MTOR: variants seen among roughly 807,000 people sequenced by gnomAD.
MTOR encodes the protein serine/threonine-protein kinase mTOR.
In MTOR, 70 loss-of-function variants were observed where a neutral mutation model predicts 319.8. The ratio of observed to expected loss-of-function variants is 0.22; its 90% CI spans 0.18 to 0.27. MTOR has a LOEUF of 0.27. Ranked by LOEUF, MTOR falls within the 10% of genes least tolerant of loss-of-function variation. The probability of loss-of-function intolerance (pLI) is 1.00; values close to 1 mark genes in which losing one functional copy is unlikely to be tolerated. For synonymous variants in MTOR, 1,183 were observed against 1,211.4 expected (o/e 0.98, Z 0.49); for missense variants, 1,890 against 3,274.4 (o/e 0.58, Z 10.32).
At chr1:11,170,718 C>T (rs1261722269) in intron 28 of MTOR, among the ~76,000 whole-genome samples, 4 of 148,120 alleles carry the variant, frequency 2.7e-5, no homozygotes, top group Admixed American at 1.3e-4. Flanking sequence ...TGGAGTTTCA[C>T]TCTTGTTGCC....
intron 5 of MTOR, among the ~76,000 whole-genome samples, 172 bp from the exon 6 acceptor site, chr1:11,254,145 A>G (rs550805470): frequency 6.8e-6 from 1 of 146,626 alleles, no homozygotes; most frequent in African/African-American, 2.5e-5. Context: ...TTCAGCTTCA[A>G]TTTTTTTTTT....
intron 28 of MTOR, chr1:11,194,533 C>T: frequency 6.2e-7 from 1 of 1,614,124 alleles, no homozygotes; most frequent in Non-Finnish European, 8.5e-7. Context: ...CAGCTATCGC[C>T]TCTTCCTGGG....
At chr1:11,140,324 G>C (rs1221210219) in intron 34 of MTOR, among the ~76,000 whole-genome samples, 4 of 129,194 alleles carry the variant, frequency 3.1e-5, no homozygotes, top group Non-Finnish European at 4.9e-5. Context: ...GGGGGGCGGG[G>C]GGATGGTTTT....
intron 29 of MTOR, among the ~76,000 whole-genome samples, chr1:11,158,421 T>C (rs1003479159): frequency 3.3e-5 from 5 of 152,158 alleles, no homozygotes; most frequent in Non-Finnish European, 7.3e-5. Flanking sequence ...TGCTGGAGAT[T>C]GTTCCCTTGT....
At chr1:11,228,157 AC>A (rs1312181257) in intron 19 of MTOR, among the ~76,000 whole-genome samples, 1 of 151,880 alleles carries the variant, frequency 6.6e-6, no homozygotes, top group East Asian at 1.9e-4. Flanking sequence ...ACTGAGAATG[AC>A]AATGCTTTTC....
intron 34 of MTOR, chr1:11,144,136 G>A (rs1311172322): frequency 4.6e-5 from 7 of 153,608 alleles, no homozygotes; most frequent in African/African-American, 1.4e-4. Context: ...AGAACCTAAG[G>A]CAACCCCATC....
intron 36 of MTOR, among the ~76,000 whole-genome samples, chr1:11,137,990 C>T (rs940357473): frequency 2.0e-5 from 3 of 152,258 alleles, no homozygotes; most frequent in African/African-American, 7.2e-5. Context: ...TAGTTCTGGG[C>T]TTGAAGTCCC....
At position 11,231,036 on chromosome 1, in the gene MTOR, G is replaced by A. The variant is rs1646998030; in HGVS notation, c.2668C>T (p.Leu890Phe). 4 of 1,614,112 alleles carry A rather than the reference G, an allele frequency of 2.5e-6. No individual in the cohort carries two copies. The highest frequency in any genetic ancestry group is 3.4e-6 in the Non-Finnish European group (4 of 1,180,022). ...TTGTAAGGATCCAAAGCCCCTAAAA[G>A]CCCTAACACACGGATGGCCTGCGTG... ...TRREAIRVLGLLGALDPYKHK... is the reference protein window; with the variant it reads ...TRREAIRVLGFLGALDPYKHK... Residue 890 changes from leucine to phenylalanine, a missense_variant, in exon 18 of 58, where the codon CTT (leucine) becomes TTT (phenylalanine). By Grantham distance (22) the Leu-to-Phe change is conservative. This residue lies in a region of MTOR where 377 missense variants were observed against 653.9 expected (regional missense o/e 0.58). Coordinates refer to ENST00000361445, the MANE Select transcript of MTOR (RefSeq NM_004958.4).
chr1:11,203,688 C>A (rs1366721341), intron 26 of MTOR, among the ~76,000 whole-genome samples: 1 of 152,142 alleles, frequency 6.6e-6, no homozygotes, highest in Non-Finnish European at 1.5e-5. Flanking sequence ...AAAATAAATT[C>A]TGGCAAATTC....
intron 28 of MTOR, among the ~76,000 whole-genome samples, chr1:11,168,106 C>T (rs189756594): frequency 1.7e-3 from 262 of 151,762 alleles, no homozygotes; most frequent in African/African-American, 6.2e-3. Context: ...GGTTTCCTCT[C>T]AGACGCCGGC....
At chr1:11,139,723 GCT>G in intron 34 of MTOR, 65 bp from the exon 35 acceptor site, 1 of 1,596,146 alleles carries the variant, frequency 6.3e-7, no homozygotes, top group Non-Finnish European at 8.6e-7. Context: ...GCAGAGTCTT[GCT>G]CTGTCGCCCA....
intron 25 of MTOR, among the ~76,000 whole-genome samples, chr1:11,207,947 C>A (rs1354316566): frequency 1.3e-5 from 2 of 152,082 alleles, no homozygotes; most frequent in African/African-American, 2.4e-5. Context: ...TTTTCCAAGT[C>A]TGGGTAGAAA....
chr1:11,209,117 C>T (rs1646232645), intron 25 of MTOR, among the ~76,000 whole-genome samples, 195 bp downstream of exon 25: 1 of 152,206 alleles, frequency 6.6e-6, no homozygotes, highest in Non-Finnish European at 1.5e-5. Flanking sequence ...TTGTTCTCTA[C>T]TTTTTCTCTA....
At chr1:11,190,299 T>C (rs904959020) in intron 28 of MTOR, among the ~76,000 whole-genome samples, 6 of 152,306 alleles carry the variant, frequency 3.9e-5, no homozygotes, top group African/African-American at 9.6e-5. Flanking sequence ...ACAGGCTATA[T>C]CTCAAGAAAT....
chr1:11,199,125 A>G lies in MTOR; in HGVS notation c.4253+133T>C, dbSNP rs147497855. ...ATCTGCAACAACATGTCATTTAAACATGCTGGCCAGACCCAGAGGCAGATT... is the reference window on the plus strand; with the variant it reads ...ATCTGCAACAACATGTCATTTAAACGTGCTGGCCAGACCCAGAGGCAGATT... On this transcript the variant is annotated intron_variant, in intron 28 of 57. Coordinates refer to ENST00000361445, the MANE Select transcript of MTOR (RefSeq NM_004958.4). The surrounding 1 kb of genome is among the most constrained non-coding windows in gnomAD (Gnocchi z 4.5). 7 of 1,127,732 alleles carry G rather than the reference A, an allele frequency of 6.2e-6. No homozygotes were observed. Among genetic ancestry groups the G allele is most frequent in the Admixed American group, 2.2e-5 (1 of 45,248 alleles). The allele number at this position is 1,127,732 out of a possible 1,614,324, so 69.9% of individuals were successfully genotyped here.
In MTOR at chr1:11,146,690, A is replaced by G; in HGVS notation, c.4672T>C (p.Ser1558Pro). The change falls in exon 32 of 58, where the codon TCC (serine) becomes CCC (proline). Residue 1558 changes from serine (S) to proline (P), a missense_variant. By Grantham distance (74) the Ser-to-Pro change is moderately conservative. Around this residue, in one of 15 missense-constraint regions of MTOR, gnomAD observed 276 missense variants for 459.4 expected, o/e 0.60. Transcript: ENST00000361445. ...TAGGTTTTTACCTGTTGTGCCAAGG[A>G]GAAGAGGTCCTGATGCAGTGCCAGC... ...AVLALHQDLFSLAQQCIDKAR... is the reference protein window; with the variant it reads ...AVLALHQDLFPLAQQCIDKAR... 1.9e-6 allele frequency: 3 copies of G among 1,614,086 alleles called. No homozygotes were observed. The highest frequency in any genetic ancestry group is 2.5e-6 in the Non-Finnish European group (3 of 1,179,962).
rs539154647 is a variant in MTOR, at chr1:11,204,914, A to G, written c.3802-211T>C. 4.6e-5 allele frequency among the ~76,000 whole-genome samples: 7 copies of G among 152,232 alleles called. No individual in the cohort carries two copies. In the South Asian group the frequency reaches 1.5e-3, roughly 32 times the overall value. On this transcript the variant is annotated intron_variant, in intron 25 of 57. Coordinates refer to ENST00000361445, the MANE Select transcript of MTOR (RefSeq NM_004958.4). ...CACTGTGGAAAAAGCCTGTTTCACA[A>G]CTCCTTTGTGCTGGACTCTGACTGC...
chr1:11,251,132 C>A (rs1200372624), intron 6 of MTOR, among the ~76,000 whole-genome samples: 1 of 148,338 alleles, frequency 6.7e-6, no homozygotes, highest in Non-Finnish European at 1.5e-5. Context: ...TAGCTTCCCG[C>A]TTCCCACACA....
chr1:11,154,097 A>AAAAAAAAC (rs1304126381), intron 30 of MTOR, among the ~76,000 whole-genome samples: 1 of 144,762 alleles, frequency 6.9e-6, no homozygotes, highest in African/African-American at 2.6e-5. Context: ...AAAAAAAAAA[A>AAAAAAAAC]AAAAAAGCCA....
Sources: gnomAD v4.1 joint callset for allele counts (sites outside exome capture counted in the v4.1 genomes callset) on GRCh38, gnomAD v4.1.1 for gene constraint, gnomAD v4.1.1 regional missense constraint, Gnocchi (gnomAD v3.1) non-coding constraint, MANE v1.5 for transcripts, NCBI Gene and HGNC (gene_info 2026-07-23, HGNC 2026-07-21) for gene names.